The following PLXDC1 variants were observed in gnomAD, a reference collection of about 807,000 sequenced individuals.
The protein encoded by PLXDC1 is plexin domain-containing protein 1.
In PLXDC1, 39 loss-of-function variants were observed where a neutral mutation model predicts 61.3. The observed-to-expected ratio is 0.64, with a 90% CI of 0.49 to 0.83. PLXDC1 has a LOEUF of 0.83. PLXDC1 is among the 40% of genes least tolerant of loss of function. The pLI is 0.00. For synonymous variants in PLXDC1, 212 were observed against 254.5 expected (o/e 0.83, Z 1.59); for missense variants, 596 against 666.5 (o/e 0.89, Z 1.17).
chr17:39,083,543 G>T lies in PLXDC1; in HGVS notation c.908-3C>A. On this transcript the variant is annotated splice_polypyrimidine_tract_variant and splice_region_variant and intron_variant, in intron 8 of 13. Coordinates refer to ENST00000315392, the MANE Select transcript of PLXDC1 (RefSeq NM_020405.5). ...ACAGCTCCTATGCTGCAGGCAGGCT[G>T]CAAGAGAGAAGGCAGTGGCCGCTCA... The T allele has an allele frequency of 6.2e-7, 1 of 1,609,766 alleles. No homozygotes were observed. Among genetic ancestry groups the T allele is most frequent in the Non-Finnish European group, 8.5e-7 (1 of 1,177,974 alleles).
intron 1 of PLXDC1, among the ~76,000 whole-genome samples, chr17:39,146,522 T>G (rs2045343331): frequency 6.6e-6 from 1 of 152,004 alleles, no homozygotes; most frequent in Admixed American, 6.5e-5. Context: ...ACTAAAATTT[T>G]TTTTAAAGTC....
intron 5 of PLXDC1, 156 bp from the exon 6 acceptor site, chr17:39,107,681 T>C (rs1441173093): frequency 1.5e-6 from 1 of 676,842 alleles, no homozygotes; most frequent in East Asian, 2.7e-5. Flanking sequence ...GGCAGCTCAC[T>C]AAAGCAGCGC....
intron 2 of PLXDC1, among the ~76,000 whole-genome samples, chr17:39,129,741 G>T (rs56738844): frequency 2.5e-5 from 1 of 39,578 alleles, no homozygotes; most frequent in Non-Finnish European, 5.1e-5. Context: ...AAGAAAGAAA[G>T]GAAAGAAAAG....
intron 11 of PLXDC1, among the ~76,000 whole-genome samples, chr17:39,076,884 C>T (rs1909358686): frequency 6.6e-6 from 1 of 151,848 alleles, no homozygotes; most frequent in Non-Finnish European, 1.5e-5. Context: ...TACAGGCGCC[C>T]ACGACCATGC....
intron 7 of PLXDC1, among the ~76,000 whole-genome samples, chr17:39,097,714 TAATAAATA>T (rs147959612): frequency 0.062 from 9,059 of 145,886 alleles, 413 homozygotes; most frequent in African/African-American, 0.13. Context: ...TCTTTACAAA[TAATAAATA>T]AATAAATAAA....
At chr17:39,123,379 G>A (rs893424776) in intron 2 of PLXDC1, among the ~76,000 whole-genome samples, 11 of 152,114 alleles carry the variant, frequency 7.2e-5, no homozygotes, top group African/African-American at 2.4e-5. Flanking sequence ...TAGTAGAGAC[G>A]GGGTTTCACC....
intron 7 of PLXDC1, among the ~76,000 whole-genome samples, chr17:39,098,983 CAG>C (rs920200651): frequency 6.6e-6 from 1 of 152,086 alleles, no homozygotes; most frequent in Non-Finnish European, 1.5e-5. Context: ...AGCAAGGAGT[CAG>C]AGAGTGATGT....
intron 9 of PLXDC1, among the ~76,000 whole-genome samples, chr17:39,083,239 C>G (rs1310626208): frequency 6.6e-6 from 1 of 152,230 alleles, no homozygotes; most frequent in Non-Finnish European, 1.5e-5. Context: ...GATGAACCCT[C>G]TCCTCCTGGG....
chr17:39,093,995 C>T (rs1401278047), intron 7 of PLXDC1, among the ~76,000 whole-genome samples: 1 of 152,182 alleles, frequency 6.6e-6, no homozygotes, highest in Non-Finnish European at 1.5e-5. Flanking sequence ...TGAGCACATA[C>T]TCATATGCAC....
rs1020836733 is a variant in PLXDC1 at position 39,083,639 on chromosome 17, C to A, written c.908-99G>T. The A allele has an allele frequency of 3.2e-6, 3 of 932,208 alleles. No individual in the cohort carries two copies. The African/African-American group carries it at 4.9e-5, about 15-fold the overall frequency. The allele number at this position is 932,208 out of a possible 1,614,324, so 57.7% of individuals were successfully genotyped here. A position where few individuals can be genotyped will look rare whatever the true frequency, so the allele number is the denominator to read the frequency against. The stretch of plus-strand genomic sequence containing the variant: ...CTGGTATTTACAGAACTATGGAGCC[C>A]CTGACTTTGAGGAGACCTTTAAGGT... On this transcript the variant is annotated intron_variant, in intron 8 of 13. Transcript: ENST00000315392.
chr17:39,112,570 GC>G (rs1910848287), intron 2 of PLXDC1, among the ~76,000 whole-genome samples: 1 of 143,732 alleles, frequency 7.0e-6, no homozygotes, highest in African/African-American at 2.6e-5. Flanking sequence ...CAATTATTAT[GC>G]CTCAGCCTCC....
At chr17:39,101,882 C>CG (rs1183515998) in intron 7 of PLXDC1, among the ~76,000 whole-genome samples, 1 of 152,076 alleles carries the variant, frequency 6.6e-6, no homozygotes, top group African/African-American at 2.4e-5. Flanking sequence ...CTGGCCCTAC[C>CG]GAGAGGTGGT....
chr17:39,070,146 A>T, intron 12 of PLXDC1, 130 bp from the exon 13 acceptor site: 1 of 602,830 alleles, frequency 1.7e-6, no homozygotes, highest in Non-Finnish European at 2.9e-6. Flanking sequence ...TATCCAATAC[A>T]GGAAGAGGTT....
chr17:39,107,637 G>A (rs1446235760), intron 5 of PLXDC1, 112 bp from the exon 6 acceptor site: 1 of 805,896 alleles, frequency 1.2e-6, no homozygotes, highest in Non-Finnish European at 2.2e-6. Context: ...TCGGGATGAT[G>A]GGGAAGTTTG....
intron 10 of PLXDC1, 78 bp downstream of exon 10, chr17:39,079,025 CA>C: frequency 8.8e-7 from 1 of 1,135,624 alleles, no homozygotes; most frequent in South Asian, 1.2e-5. Flanking sequence ...GAAGAGTTTC[CA>C]GGGGCAGGCC....
intron 9 of PLXDC1, among the ~76,000 whole-genome samples, chr17:39,082,913 T>C (rs920856159): frequency 6.6e-6 from 1 of 152,166 alleles, no homozygotes; most frequent in African/African-American, 2.4e-5. Flanking sequence ...CAAACACAGC[T>C]TTTTAGCTCT....
intron 1 of PLXDC1, among the ~76,000 whole-genome samples, chr17:39,146,072 T>G (rs1013916158): frequency 1.7e-4 from 24 of 145,144 alleles, no homozygotes; most frequent in Non-Finnish European, 3.2e-4. Context: ...GCCCATTCCT[T>G]TTTTTTTTTT....
chr17:39,126,024 C>T (rs1911301059), intron 2 of PLXDC1, among the ~76,000 whole-genome samples: 1 of 152,234 alleles, frequency 6.6e-6, no homozygotes, highest in East Asian at 1.9e-4. Flanking sequence ...GAGGCTGAGG[C>T]AGGCGGATCA....
chr17:39,100,161 T>A (rs561553878), intron 7 of PLXDC1, among the ~76,000 whole-genome samples: 2 of 152,252 alleles, frequency 1.3e-5, no homozygotes, highest in African/African-American at 4.8e-5. Context: ...CCAAACCACA[T>A]GAAAGCTCTG....
Sources: gnomAD v4.1 joint callset for allele counts (sites outside exome capture counted in the v4.1 genomes callset) on GRCh38, gnomAD v4.1.1 for gene constraint, MANE v1.5 for transcripts, NCBI Gene and HGNC (gene_info 2026-07-23, HGNC 2026-07-21) for gene names.